The following FBXO8 variants were observed in gnomAD, a reference collection of about 807,000 sequenced individuals.
FBXO8 encodes F-box protein 8.
In FBXO8, 15 loss-of-function variants were observed where a neutral mutation model predicts 33.4. The ratio of observed to expected loss-of-function variants is 0.45; its 90% CI spans 0.30 to 0.69. FBXO8 has a LOEUF of 0.69. Ranked by LOEUF, FBXO8 falls within the 30% of genes least tolerant of loss-of-function variation. The pLI is 0.08. For missense variants in FBXO8, 274 were observed against 380.3 expected (o/e 0.72, Z 2.32); for synonymous variants, 132 against 131.5 (o/e 1.00, Z -0.02).
In FBXO8 at chr4:174,245,673, G is replaced by C. The variant is rs1560866417; in HGVS notation, c.457-4455C>G. 6.6e-6 allele frequency among the ~76,000 whole-genome samples: 1 copy of C among 151,784 alleles called. No individual in the cohort carries two copies. The highest frequency in any genetic ancestry group is 2.1e-4 in the South Asian group (1 of 4,822). On this transcript the variant is annotated intron_variant, in intron 3 of 5. Transcript: ENST00000393674. The surrounding 1 kb of genome is among the most constrained non-coding windows in gnomAD (Gnocchi z 4.6). The stretch of plus-strand genomic sequence containing the variant: ...AATGTGAATTTGGCAGCAATATAAA[G>C]ATAAATAATGAAAGAAAAATTAGAT...
intron 1 of FBXO8, among the ~76,000 whole-genome samples, chr4:174,264,389 C>A (rs1191633111): frequency 6.6e-6 from 1 of 152,126 alleles, no homozygotes; most frequent in Non-Finnish European, 1.5e-5. Flanking sequence ...CAGACTAGAG[C>A]ATGCCTTCTT....
chr4:174,271,032 GA>G (rs918290325), intron 1 of FBXO8, among the ~76,000 whole-genome samples: 17 of 151,440 alleles, frequency 1.1e-4, no homozygotes, highest in African/African-American at 4.1e-4. Context: ...AACTTTTTTG[GA>G]AAAAAATCTC....
rs1016178012 is a variant in FBXO8 at position 174,256,612 on chromosome 4, G to A, written c.456+3087C>T. Among the ~76,000 whole-genome samples the A allele has an allele frequency of 6.6e-6, 1 of 152,150 alleles. No individual in the cohort carries two copies. Among genetic ancestry groups the A allele is most frequent in the Non-Finnish European group, 1.5e-5 (1 of 68,016 alleles). The stretch of plus-strand genomic sequence containing the variant: ...TATTTATGTTAGTCAATGAAAGAAA[G>A]TACAGAATATAGTCACTGAACTACT... On this transcript the variant is annotated intron_variant, in intron 3 of 5. Transcript: ENST00000393674. The surrounding 1 kb of genome is among the most constrained non-coding windows in gnomAD (Gnocchi z 4.6).
rs897614018 is a variant in FBXO8, at chr4:174,245,406, G to A, written c.457-4188C>T. On this transcript the variant is annotated intron_variant, in intron 3 of 5. Coordinates refer to ENST00000393674, the MANE Select transcript of FBXO8 (RefSeq NM_012180.3). The surrounding 1 kb of genome is among the most constrained non-coding windows in gnomAD (Gnocchi z 4.6). The stretch of plus-strand genomic sequence containing the variant: ...AAGGGGTTTAGACAGCTCTGAATGA[G>A]GGGAACACTGGAGAAGAATGTTCCA... Among the ~76,000 whole-genome samples, 1 of 151,842 alleles carries A rather than the reference G, an allele frequency of 6.6e-6. No homozygotes were observed. The highest frequency in any genetic ancestry group is 1.5e-5 in the Non-Finnish European group (1 of 67,840).
intron 3 of FBXO8, among the ~76,000 whole-genome samples, chr4:174,249,481 A>T (rs1309755077): frequency 5.3e-5 from 8 of 152,062 alleles, no homozygotes; most frequent in Non-Finnish European, 8.8e-5. Flanking sequence ...GTGCATATAT[A>T]CAACTGTTTA....
chr4:174,248,089 T>A (rs1006228778), intron 3 of FBXO8, among the ~76,000 whole-genome samples: 2 of 152,162 alleles, frequency 1.3e-5, no homozygotes, highest in East Asian at 3.9e-4. Context: ...ATTTCTTAAT[T>A]AGTATGTTTA....
At position 174,275,069 on chromosome 4, in the gene FBXO8, A is replaced by C. The variant is rs1319643070; in HGVS notation, c.-9+8341T>G. On this transcript the variant is annotated intron_variant, in intron 1 of 5. Transcript: ENST00000393674. The surrounding 1 kb of genome is among the most constrained non-coding windows in gnomAD (Gnocchi z 4.4). Reference sequence around the variant, plus strand: ...CATATCTGACGGACGAGTATCTAGAATATATAAACAACTCTCAAAACAATA... The same window carrying C: ...CATATCTGACGGACGAGTATCTAGACTATATAAACAACTCTCAAAACAATA... Among the ~76,000 whole-genome samples the C allele has an allele frequency of 2.0e-5, 3 of 152,216 alleles. No individual in the cohort carries two copies. The highest frequency in any genetic ancestry group is 7.2e-5 in the African/African-American group (3 of 41,458).
rs1736508520 is a variant in FBXO8 at position 174,259,835 on chromosome 4, C to T, written c.330-10G>A. The T allele has an allele frequency of 6.4e-7, 1 of 1,566,416 alleles. No homozygotes were observed. Among genetic ancestry groups the T allele is most frequent in the African/African-American group, 1.4e-5 (1 of 71,854 alleles). Reference sequence around the variant, plus strand: ...AGTGGATTTGCACAACCTATAAAATCAGAGAAAATGAGACAAGAAAACATT... The same window carrying T: ...AGTGGATTTGCACAACCTATAAAATTAGAGAAAATGAGACAAGAAAACATT... On this transcript the variant is annotated splice_polypyrimidine_tract_variant and intron_variant, in intron 2 of 5. Transcript: ENST00000393674. This position sits in a 1 kb window ranked among gnomAD's most constrained non-coding sequence, Gnocchi z 4.3.
intron 1 of FBXO8, among the ~76,000 whole-genome samples, chr4:174,276,960 A>G (rs920881908): frequency 3.3e-5 from 5 of 152,204 alleles, no homozygotes; most frequent in African/African-American, 9.6e-5. Flanking sequence ...TGTATATAAA[A>G]GCATCTTTTA....
At chr4:174,266,822 T>C (rs1409701398) in intron 1 of FBXO8, among the ~76,000 whole-genome samples, 1 of 152,232 alleles carries the variant, frequency 6.6e-6, no homozygotes, top group Non-Finnish European at 1.5e-5. Flanking sequence ...TTAAGTAAGA[T>C]AATGTACATA....
intron 3 of FBXO8, among the ~76,000 whole-genome samples, chr4:174,249,556 T>C (rs916463509): frequency 2.0e-5 from 3 of 151,948 alleles, no homozygotes; most frequent in African/African-American, 7.2e-5. Flanking sequence ...CATTTATAAA[T>C]ATATTTTAAC....
Position 174,253,742 on chromosome 4 carries a change from C to T in FBXO8, c.456+5957G>A, listed in dbSNP as rs1358553507. On this transcript the variant is annotated intron_variant, in intron 3 of 5. Transcript: ENST00000393674. The surrounding 1 kb of genome is among the most constrained non-coding windows in gnomAD (Gnocchi z 4.5). Reference sequence around the variant, plus strand: ...GTGCTCTAGGGGTGCTCGTGTGATTCAATTATGTTCTATAAGAAATGAGTA... The same window carrying T: ...GTGCTCTAGGGGTGCTCGTGTGATTTAATTATGTTCTATAAGAAATGAGTA... Among the ~76,000 whole-genome samples, 1 of 152,108 alleles carries T rather than the reference C, an allele frequency of 6.6e-6. No individual in the cohort carries two copies. The highest frequency in any genetic ancestry group is 2.4e-5 in the African/African-American group (1 of 41,424).
rs912363063 is a variant in FBXO8, at chr4:174,252,432, T to C, written c.456+7267A>G. Among the ~76,000 whole-genome samples, 21 of 152,158 alleles carry C rather than the reference T, an allele frequency of 1.4e-4. No individual in the cohort carries two copies. The highest frequency in any genetic ancestry group is 5.1e-4 in the African/African-American group (21 of 41,446). On this transcript the variant is annotated intron_variant, in intron 3 of 5. Coordinates refer to ENST00000393674, the MANE Select transcript of FBXO8 (RefSeq NM_012180.3). This position sits in a 1 kb window ranked among gnomAD's most constrained non-coding sequence, Gnocchi z 5.1. Reference sequence around the variant, plus strand: ...GATACATTTACTTCAAAAATAAAATTACCTTGTATAACAAGAAGTTCCAAA... The same window carrying C: ...GATACATTTACTTCAAAAATAAAATCACCTTGTATAACAAGAAGTTCCAAA...
Position 174,261,311 on chromosome 4 carries a change from T to C in FBXO8, c.329+1453A>G, listed in dbSNP as rs1054568523. On this transcript the variant is annotated intron_variant, in intron 2 of 5. Coordinates refer to ENST00000393674, the MANE Select transcript of FBXO8 (RefSeq NM_012180.3). The surrounding 1 kb of genome is among the most constrained non-coding windows in gnomAD (Gnocchi z 4.1). ...AGCCTTTAATTTCAAATAGAAGCAA[T>C]TTATTATTAAGGAAAAAATCCAAGT... 6.6e-6 allele frequency among the ~76,000 whole-genome samples: 1 copy of C among 151,880 alleles called. No individual in the cohort carries two copies. Among genetic ancestry groups the C allele is most frequent in the African/African-American group, 2.4e-5 (1 of 41,416 alleles).
rs1357637817 is a variant in FBXO8 at position 174,257,206 on chromosome 4, A to G, written c.456+2493T>C. On this transcript the variant is annotated intron_variant, in intron 3 of 5. Transcript: ENST00000393674. This position sits in a 1 kb window ranked among gnomAD's most constrained non-coding sequence, Gnocchi z 4.3. Reference sequence around the variant, plus strand: ...CTATTTATATGTCTAGCTTTTCCAAATTAGATATTTAAACCTATACATATA... The same window carrying G: ...CTATTTATATGTCTAGCTTTTCCAAGTTAGATATTTAAACCTATACATATA... Among the ~76,000 whole-genome samples the G allele has an allele frequency of 6.6e-6, 1 of 152,158 alleles. No homozygotes were observed. The highest frequency in any genetic ancestry group is 1.5e-5 in the Non-Finnish European group (1 of 68,028).
intron 2 of FBXO8, among the ~76,000 whole-genome samples, chr4:174,260,922 C>A (rs1736544146): frequency 6.6e-6 from 1 of 151,846 alleles, no homozygotes; most frequent in African/African-American, 2.4e-5. Flanking sequence ...TTAATTTCTG[C>A]CTCAGATTTC....
rs895982802 is a variant in FBXO8 at position 174,267,183 on chromosome 4, A to G, written c.-8-4083T>C. 2.6e-5 allele frequency among the ~76,000 whole-genome samples: 4 copies of G among 152,220 alleles called. No individual in the cohort carries two copies. The highest frequency in any genetic ancestry group is 5.9e-5 in the Non-Finnish European group (4 of 68,034). On this transcript the variant is annotated intron_variant, in intron 1 of 5. Transcript: ENST00000393674. This position sits in a 1 kb window ranked among gnomAD's most constrained non-coding sequence, Gnocchi z 4.7. ...GTGTTGTCTTTCACAGAAAATTTTA[A>G]AACTCAGCATGCCTGAGGATGGTGC...
chr4:174,263,186 T>C lies in FBXO8; in HGVS notation c.-8-86A>G. ...GGTATAACAAATCTGACATGAAGCA[T>C]TCATTTATCAGAATTAAAACTTCTC... On this transcript the variant is annotated intron_variant, in intron 1 of 5. Transcript: ENST00000393674. This position sits in a 1 kb window ranked among gnomAD's most constrained non-coding sequence, Gnocchi z 4.2. 1 of 1,178,510 alleles carries C rather than the reference T, an allele frequency of 8.5e-7. No homozygotes were observed. Among genetic ancestry groups the C allele is most frequent in the Non-Finnish European group, 1.2e-6 (1 of 844,326 alleles). The allele number at this position is 1,178,510 out of a possible 1,614,324, so 73.0% of individuals were successfully genotyped here.
Position 174,265,220 on chromosome 4 carries a change from T to C in FBXO8, c.-8-2120A>G, listed in dbSNP as rs927060443. On this transcript the variant is annotated intron_variant, in intron 1 of 5. Transcript: ENST00000393674. The surrounding 1 kb of genome is among the most constrained non-coding windows in gnomAD (Gnocchi z 4.7). ...ATACTTTGTATGATTCAGCATTAGC[T>C]GAATCATTTACCTAAATAAAAGCTT... Among the ~76,000 whole-genome samples, 1 of 152,046 alleles carries C rather than the reference T, an allele frequency of 6.6e-6. No homozygotes were observed. The highest frequency in any genetic ancestry group is 1.5e-5 in the Non-Finnish European group (1 of 67,956).
Sources: gnomAD v4.1 joint callset for allele counts (sites outside exome capture counted in the v4.1 genomes callset) on GRCh38, gnomAD v4.1.1 for gene constraint, Gnocchi (gnomAD v3.1) non-coding constraint, MANE v1.5 for transcripts, NCBI Gene and HGNC (gene_info 2026-07-23, HGNC 2026-07-21) for gene names.